The following VPS35L variants were observed in gnomAD, a reference collection of about 807,000 sequenced individuals.
VPS35L encodes VPS35 endosomal protein-sorting factor-like.
Under a neutral mutation model 133.0 loss-of-function variants are expected in VPS35L, and 83 were observed. That is an observed-to-expected ratio of 0.62 (90% CI 0.52 to 0.75). The LOEUF (loss-of-function observed/expected upper bound fraction) is 0.75. Ranked by LOEUF, VPS35L falls within the 30% of genes least tolerant of loss-of-function variation. The pLI is 0.00. For synonymous variants in VPS35L, 423 were observed against 449.9 expected (o/e 0.94, Z 0.76); for missense variants, 1,083 against 1,206.8 (o/e 0.90, Z 1.52).
At chr16:19,676,230 T>A (rs1975057662) in intron 27 of VPS35L, among the ~76,000 whole-genome samples, 1 of 151,944 alleles carries the variant, frequency 6.6e-6, no homozygotes, top group African/African-American at 2.4e-5. Context: ...CCAGCCTGGG[T>A]GACAAGAGCA....
chr16:19,627,567 T>G, intron 15 of VPS35L, 127 bp from the exon 16 acceptor site: 1 of 697,876 alleles, frequency 1.4e-6, no homozygotes. Flanking sequence ...TTACTCTGAT[T>G]TTTTGTTTTT....
intron 29 of VPS35L, among the ~76,000 whole-genome samples, chr16:19,697,109 C>T (rs1449208143): frequency 3.3e-5 from 5 of 152,200 alleles, no homozygotes; most frequent in African/African-American, 1.2e-4. Context: ...TGCCAGCCCG[C>T]GTGCCCTGTG....
In VPS35L at chr16:19,700,452, A is replaced by C. The variant is rs2151634707; in HGVS notation, c.2868A>C (p.Arg956Ser). 1 of 1,613,940 alleles carries C rather than the reference A, an allele frequency of 6.2e-7. No homozygotes were observed. The highest frequency in any genetic ancestry group is 2.2e-5 in the East Asian group (1 of 44,874). ...DMTHLTELALRLPLQTRT is the reference protein window; with the variant it reads ...DMTHLTELALSLPLQTRT ...CTCATCTGACGGAGCTGGCCCTCAG[A>C]CTCCCTCTGCAAACAAGGACCTGAC... Residue 956 changes from arginine to serine, a missense_variant, in exon 31 of 31, where the codon AGA becomes AGC. Arg to Ser is a moderately radical substitution (Grantham distance 110). Coordinates refer to ENST00000417362, the MANE Select transcript of VPS35L (RefSeq NM_020314.7).
chr16:19,637,365 A>T (rs1283660209), intron 19 of VPS35L, among the ~76,000 whole-genome samples: 8 of 152,126 alleles, frequency 5.3e-5, no homozygotes, highest in Admixed American at 5.2e-4. Context: ...ATGAAGTAGG[A>T]TGTACAGAGT....
At chr16:19,616,338 A>G in intron 13 of VPS35L, 147 bp downstream of exon 13, 1 of 707,158 alleles carries the variant, frequency 1.4e-6, no homozygotes, top group Non-Finnish European at 2.4e-6. Flanking sequence ...TCTGTTGTAG[A>G]CAATTAAAAT....
intron 15 of VPS35L, among the ~76,000 whole-genome samples, 196 bp downstream of exon 15, chr16:19,626,419 G>A (rs1973263317): frequency 1.3e-5 from 2 of 152,148 alleles, no homozygotes; most frequent in South Asian, 4.1e-4. Flanking sequence ...TGGGCCGCTT[G>A]CTTGACCTCT....
At chr16:19,654,341 C>T (rs766898341) in intron 26 of VPS35L, among the ~76,000 whole-genome samples, 1 of 151,706 alleles carries the variant, frequency 6.6e-6, no homozygotes, top group Non-Finnish European at 1.5e-5. Context: ...ACCCCCTCTC[C>T]CCACTAGGAC....
At chr16:19,627,052 C>T (rs150106926) in intron 15 of VPS35L, among the ~76,000 whole-genome samples, 5 of 152,020 alleles carry the variant, frequency 3.3e-5, no homozygotes, top group South Asian at 4.2e-4. Flanking sequence ...GAGGCTGAGA[C>T]GGGTGGATCA....
At chr16:19,593,501 G>C (rs918299762) in intron 8 of VPS35L, among the ~76,000 whole-genome samples, 1 of 152,218 alleles carries the variant, frequency 6.6e-6, no homozygotes, top group African/African-American at 2.4e-5. Context: ...GCTAAAACAA[G>C]TGACAAGAAA....
intron 22 of VPS35L, 35 bp from the exon 23 acceptor site, chr16:19,644,851 C>T: frequency 1.4e-6 from 2 of 1,455,800 alleles, no homozygotes; most frequent in African/African-American, 1.4e-5. Context: ...TCATCTATTA[C>T]CTCCGTGTTA....
intron 26 of VPS35L, among the ~76,000 whole-genome samples, chr16:19,663,934 CTG>C: frequency 6.6e-6 from 1 of 152,006 alleles, no homozygotes; most frequent in East Asian, 1.9e-4. Flanking sequence ...TGGAGTCCAT[CTG>C]TGGGGTTTTA....
chr16:19,693,959 GAAAAAAAA>G (rs915757096), intron 29 of VPS35L: 3 of 92,380 alleles, frequency 3.2e-5, no homozygotes, highest in East Asian at 3.1e-4. Flanking sequence ...CAAAAAAAAA[GAAAAAAAA>G]AAAAAAAAAG....
rs908217920 is a variant in VPS35L at position 19,698,376 on chromosome 16, T to C, written c.2647-1126T>C. Among the ~76,000 whole-genome samples, 16 of 152,292 alleles carry C rather than the reference T, an allele frequency of 1.1e-4. No homozygotes were observed. In the East Asian group the frequency reaches 1.5e-3, roughly 15 times the overall value. On this transcript the variant is annotated intron_variant, in intron 29 of 30. Coordinates refer to ENST00000417362, the MANE Select transcript of VPS35L (RefSeq NM_020314.7). The stretch of plus-strand genomic sequence containing the variant: ...TTTCCTGTTTTTCTCTTCCACTGCT[T>C]GTCTCTGATTCTGGTCGGAGAAATG...
intron 8 of VPS35L, among the ~76,000 whole-genome samples, chr16:19,597,728 G>A (rs1381355357): frequency 6.6e-6 from 1 of 152,158 alleles, no homozygotes; most frequent in Non-Finnish European, 1.5e-5. Flanking sequence ...CAGGACTGTT[G>A]AGGCAGCCTG....
At chr16:19,569,368 T>A in intron 2 of VPS35L, 56 bp from the exon 3 acceptor site, 1 of 1,585,126 alleles carries the variant, frequency 6.3e-7, no homozygotes, top group Non-Finnish European at 8.7e-7. Flanking sequence ...CACTGGAGTG[T>A]TTCACTGGAG....
chr16:19,626,288 G>T, intron 15 of VPS35L, 65 bp downstream of exon 15: 3 of 1,239,818 alleles, frequency 2.4e-6, no homozygotes, highest in Non-Finnish European at 3.5e-6. Context: ...TTTTGAGCTT[G>T]GCCTGCTTAC....
At chr16:19,570,810 C>T (rs1451978021) in intron 3 of VPS35L, among the ~76,000 whole-genome samples, 3 of 136,772 alleles carry the variant, frequency 2.2e-5, no homozygotes, top group Non-Finnish European at 3.1e-5. Flanking sequence ...TACATGCTCT[C>T]GATCATCATC....
chr16:19,555,825 G>C, intron 1 of VPS35L, 79 bp downstream of exon 1: 1 of 1,501,858 alleles, frequency 6.7e-7, no homozygotes, highest in Non-Finnish European at 8.9e-7. Flanking sequence ...CTGAGAGTGT[G>C]AATTCCTCTC....
rs762433487 is a variant in VPS35L, at chr16:19,564,926, C to A, written c.93C>A (p.Asp31Glu). The change falls in exon 2 of 31, where the codon GAC (aspartate) becomes GAA (glutamate). Residue 31 changes from aspartate to glutamate, a missense_variant. Coordinates refer to ENST00000417362, the MANE Select transcript of VPS35L (RefSeq NM_020314.7). ...RLEAVPLEFG[D>E]YHPLKPITVT... is the part of the protein sequence containing the mutation. ...AGGCTGTACCATTGGAGTTTGGGGA[C>A]TATCACCCTCTGAAACCCATAACTG... is the stretch of plus-strand genomic sequence containing the variant. 6.2e-7 allele frequency: 1 copy of A among 1,611,992 alleles called. No homozygotes were observed. The highest frequency in any genetic ancestry group is 1.1e-5 in the South Asian group (1 of 91,040).
Sources: gnomAD v4.1 joint callset for allele counts (sites outside exome capture counted in the v4.1 genomes callset) on GRCh38, gnomAD v4.1.1 for gene constraint, MANE v1.5 for transcripts, NCBI Gene and HGNC (gene_info 2026-07-23, HGNC 2026-07-21) for gene names.